Variants in FAM81A observed in about 807,000 individuals in gnomAD.
FAM81A encodes protein FAM81A.
A neutral mutation model predicts 46.7 loss-of-function variants in FAM81A; 19 were observed. The observed-to-expected ratio is 0.41, with a 90% CI of 0.28 to 0.60. The LOEUF is 0.60. Ranked by LOEUF, FAM81A falls within the 20% of genes least tolerant of loss-of-function variation. The pLI is 0.34. For synonymous variants in FAM81A, 183 were observed against 152.9 expected (o/e 1.20, Z -1.45); for missense variants, 377 against 453.5 (o/e 0.83, Z 1.53).
intron 2 of FAM81A, 146 bp from the exon 3 acceptor site, chr15:59,459,786 AC>A (rs2081528659): frequency 5.8e-6 from 7 of 1,198,792 alleles, no homozygotes; most frequent in Non-Finnish European, 6.7e-6. Flanking sequence ...TGTGAAGAAA[AC>A]TTTTTTAGGC....
chr15:59,463,940 G>A (rs552421916), intron 3 of FAM81A, among the ~76,000 whole-genome samples: 27 of 152,072 alleles, frequency 1.8e-4, no homozygotes, highest in Non-Finnish European at 1.0e-4. Context: ...ATTTTGTGTC[G>A]TTTAACAAGT....
intron 2 of FAM81A, among the ~76,000 whole-genome samples, chr15:59,428,171 T>G (rs2081203353): frequency 1.3e-5 from 2 of 152,238 alleles, no homozygotes; most frequent in South Asian, 2.1e-4. Flanking sequence ...TGAGCACCTT[T>G]TCATACACCT....
At chr15:59,504,113 T>C (rs1303837225) in intron 4 of FAM81A, among the ~76,000 whole-genome samples, 1 of 152,180 alleles carries the variant, frequency 6.6e-6, no homozygotes, top group Non-Finnish European at 1.5e-5. Flanking sequence ...GAAAATAATG[T>C]CTTTTAAAAA....
chr15:59,516,456 A>T (rs1718675001), intron 7 of FAM81A, among the ~76,000 whole-genome samples, 189 bp from the exon 8 acceptor site: 1 of 152,164 alleles, frequency 6.6e-6, no homozygotes, highest in Non-Finnish European at 1.5e-5. Context: ...GTTTTGAATG[A>T]CCTTGTACCC....
At chr15:59,423,769 A>G (rs2081184656) in intron 2 of FAM81A, among the ~76,000 whole-genome samples, 1 of 152,190 alleles carries the variant, frequency 6.6e-6, no homozygotes, top group Non-Finnish European at 1.5e-5. Flanking sequence ...AATGTAAGAG[A>G]CTTATATTTA....
intron 8 of FAM81A, 123 bp downstream of exon 8, chr15:59,516,963 T>C: frequency 1.1e-6 from 1 of 940,268 alleles, no homozygotes. Context: ...ATATCCTTAG[T>C]TGATTTTCTG....
chr15:59,472,414 C>T, intron 3 of FAM81A, among the ~76,000 whole-genome samples: 1 of 152,138 alleles, frequency 6.6e-6, no homozygotes, highest in Admixed American at 6.6e-5. Flanking sequence ...TGGAAATGGC[C>T]ATAGTACCTT....
At chr15:59,430,585 C>A (rs1209809254) in intron 2 of FAM81A, among the ~76,000 whole-genome samples, 1 of 152,004 alleles carries the variant, frequency 6.6e-6, no homozygotes, top group African/African-American at 2.4e-5. Context: ...CATTTGGTAC[C>A]TAATTTGGTT....
At chr15:59,408,083 G>A in intron 2 of FAM81A, 1 of 165,532 alleles carries the variant, frequency 6.0e-6, no homozygotes, top group Non-Finnish European at 1.3e-5. Flanking sequence ...CCACTTTCCT[G>A]GCCTCCTGCT....
At chr15:59,465,524 C>T (rs1291918224) in intron 3 of FAM81A, among the ~76,000 whole-genome samples, 2 of 152,162 alleles carry the variant, frequency 1.3e-5, no homozygotes, top group South Asian at 2.1e-4. Context: ...CCGCCCATCT[C>T]GGCCTCCCAA....
intron 3 of FAM81A, among the ~76,000 whole-genome samples, chr15:59,479,384 G>A (rs760781542): frequency 7.2e-5 from 11 of 151,868 alleles, no homozygotes; most frequent in Non-Finnish European, 1.3e-4. Flanking sequence ...GGTGGCACGT[G>A]CCTGTACTCC....
At chr15:59,497,493 C>A (rs879328533) in intron 4 of FAM81A, among the ~76,000 whole-genome samples, 10 of 151,962 alleles carry the variant, frequency 6.6e-5, no homozygotes, top group Non-Finnish European at 1.0e-4. Context: ...GCAAAGAAAC[C>A]AGTTGGAATA....
intron 1 of FAM81A, chr15:59,402,027 G>A: frequency 1.7e-6 from 1 of 598,400 alleles, no homozygotes; most frequent in South Asian, 2.0e-5. Context: ...GAGCTGCCAG[G>A]AGCAGCCCCT....
chr15:59,449,607 C>G (rs1459023915), intron 1 of FAM81A, among the ~76,000 whole-genome samples: 4 of 151,916 alleles, frequency 2.6e-5, no homozygotes, highest in Non-Finnish European at 4.4e-5. Flanking sequence ...CAGTGAAACC[C>G]CGTCTCTACT....
intron 4 of FAM81A, among the ~76,000 whole-genome samples, chr15:59,499,921 C>G (rs567905287): frequency 8.7e-5 from 13 of 150,162 alleles, no homozygotes; most frequent in Non-Finnish European, 1.6e-4. Flanking sequence ...GGCATGATCT[C>G]AGCTCACTGC....
At chr15:59,467,049 C>G (rs192247695) in intron 3 of FAM81A, among the ~76,000 whole-genome samples, 1 of 152,130 alleles carries the variant, frequency 6.6e-6, no homozygotes, top group Non-Finnish European at 1.5e-5. Context: ...GGCCTCTGTT[C>G]TGTTCCATTG....
chr15:59,469,783 G>A (rs888352692), intron 3 of FAM81A, among the ~76,000 whole-genome samples: 3 of 152,210 alleles, frequency 2.0e-5, no homozygotes, highest in East Asian at 1.9e-4. Context: ...TATTTTGCCC[G>A]TTAGTTGATG....
At chr15:59,490,963 C>T (rs898537018) in intron 3 of FAM81A, among the ~76,000 whole-genome samples, 2 of 152,104 alleles carry the variant, frequency 1.3e-5, no homozygotes, top group South Asian at 4.1e-4. Context: ...ACAGTGTTGG[C>T]GGGAATGTAA....
intron 4 of FAM81A, among the ~76,000 whole-genome samples, chr15:59,499,869 T>C (rs2082073332): frequency 6.6e-6 from 1 of 151,846 alleles, no homozygotes; most frequent in South Asian, 2.1e-4. Context: ...ATTTTTTTTT[T>C]TTTTTGAGAC....
Sources: allele counts gnomAD v4.1 joint callset (sites outside exome capture counted in the v4.1 genomes callset), GRCh38; gene constraint gnomAD v4.1.1; transcripts MANE v1.5; gene names NCBI Gene and HGNC (gene_info 2026-07-23, HGNC 2026-07-21).